The following PUM3 variants were observed in gnomAD, a reference collection of about 807,000 sequenced individuals.
PUM3 encodes the protein pumilio homolog 3.
Under a neutral mutation model 84.0 loss-of-function variants are expected in PUM3, and 91 were observed. That is an observed-to-expected ratio of 1.08 (90% CI 0.91 to 1.29). PUM3 has a LOEUF of 1.29. PUM3 is among the 50% of genes most tolerant of loss of function. The pLI, the probability that PUM3 is intolerant of heterozygous loss-of-function variation, is 0.00. For synonymous variants in PUM3, 321 were observed against 266.7 expected, an observed-to-expected ratio of 1.20 and a Z score of -1.98; for missense variants, 1,067 against 767.5, an observed-to-expected ratio of 1.39 and a Z score of -4.61.
intron 5 of PUM3, among the ~76,000 whole-genome samples, chr9:2,831,678 C>T (rs75838620): frequency 0.022 from 3,387 of 152,120 alleles, 136 homozygotes; most frequent in African/African-American, 0.078. Context: ...GATAAGTTAC[C>T]GTCCCTAAAA....
chr9:2,833,906 A>T, intron 4 of PUM3, 125 bp downstream of exon 4: 1 of 917,074 alleles, frequency 1.1e-6, no homozygotes, highest in South Asian at 1.8e-5. Flanking sequence ...ATGGGGTGTC[A>T]TGAGGACCCC....
chr9:2,808,505 G>A (rs1156634831), intron 16 of PUM3, among the ~76,000 whole-genome samples: 1 of 152,176 alleles, frequency 6.6e-6, no homozygotes, highest in Non-Finnish European at 1.5e-5. Flanking sequence ...TGCAATTAAT[G>A]CTTGGACAAA....
intron 10 of PUM3, among the ~76,000 whole-genome samples, chr9:2,825,485 T>G (rs1437333494): frequency 6.6e-6 from 1 of 151,880 alleles, no homozygotes; most frequent in Non-Finnish European, 1.5e-5. Flanking sequence ...CTTATTTACA[T>G]TTTCTTTTTT....
Position 2,811,418 on chromosome 9 carries a change from C to T in PUM3, c.1578G>A (p.Met526Ile), listed in dbSNP as rs140645864. ...TTGCTGCCAAGCTGGCGATGGCATT[C>T]ATGGTAGGCTGAACGTCTCCAGTGG... Reference protein sequence around the residue: ...GSATGDVQPTMNAIASLAATG... With the variant: ...GSATGDVQPTINAIASLAATG... The change falls in exon 15 of 18, where the codon ATG (methionine) becomes ATA (isoleucine). Residue 526 changes from methionine (M) to isoleucine (I), a missense_variant. By Grantham distance (10) the Met-to-Ile change is conservative. Transcript: ENST00000397885. 9.1e-5 allele frequency: 147 copies of T among 1,614,154 alleles called. No individual in the cohort carries two copies. Among genetic ancestry groups the T allele is most frequent in the Middle Eastern group, 6.6e-4 (4 of 6,060 alleles).
chr9:2,822,050 T>C (rs1037685439), intron 12 of PUM3, among the ~76,000 whole-genome samples: 13 of 152,178 alleles, frequency 8.5e-5, no homozygotes, highest in African/African-American at 3.1e-4. Flanking sequence ...TCAGTTCTCT[T>C]AACTCGGACA....
intron 3 of PUM3, among the ~76,000 whole-genome samples, chr9:2,834,740 C>G (rs1399300758): frequency 2.0e-5 from 3 of 152,152 alleles, no homozygotes; most frequent in African/African-American, 4.8e-5. Context: ...AGGACTCAAA[C>G]CTAGAAACAA....
intron 10 of PUM3, among the ~76,000 whole-genome samples, chr9:2,826,063 G>T (rs1277119963): frequency 6.6e-6 from 1 of 151,182 alleles, no homozygotes; most frequent in Non-Finnish European, 1.5e-5. Context: ...GGAAAGCCAT[G>T]CATATATTCC....
intron 12 of PUM3, 103 bp from the exon 13 acceptor site, chr9:2,820,201 CAAAA>C (rs58442595): frequency 8.3e-3 from 1,243 of 149,328 alleles, no homozygotes; most frequent in Middle Eastern, 0.016. Flanking sequence ...AGACTCCGCT[CAAAA>C]AAAAAAAAAA....
In PUM3 at chr9:2,833,376, A is replaced by G. The variant is rs1011180454; in HGVS notation, c.497T>C (p.Ile166Thr). 6.3e-7 allele frequency: 1 copy of G among 1,590,604 alleles called. No individual in the cohort carries two copies. The highest frequency in any genetic ancestry group is 8.6e-7 in the Non-Finnish European group (1 of 1,161,322). ...ACTTACAGTTTTAATTTTCCCTTGA[A>G]TCAACTTCTGCAAATCACTCATTAA... The part of the protein sequence containing the change: ...VKLMSDLQKL[I>T]QGKIKTIAFA... The change falls in exon 5 of 18, where the codon ATT (isoleucine) becomes ACT (threonine). Residue 166 changes from isoleucine to threonine, a missense_variant. Physicochemically the swap from Ile to Thr is moderately conservative, Grantham distance 89 (BLOSUM62 -1). Coordinates refer to ENST00000397885, the MANE Select transcript of PUM3 (RefSeq NM_014878.5).
At chr9:2,826,623 T>C (rs1278364960) in intron 10 of PUM3, among the ~76,000 whole-genome samples, 2 of 152,190 alleles carry the variant, frequency 1.3e-5, no homozygotes, top group African/African-American at 4.8e-5. Flanking sequence ...GCAGTGCAAT[T>C]TACCTTCACT....
Position 2,812,275 on chromosome 9 carries a change from G to A in PUM3, c.1357C>T (p.His453Tyr). The stretch of plus-strand genomic sequence containing the variant: ...ACTTCAATGATTTCTCGTACTGTAT[G>A]TGCAGGATCTCTGGGGCTTAGTAAG... ...LYLLSPRDPA[H>Y]TVREIIEVLQ... The change falls in exon 14 of 18, where the codon CAT becomes TAT. Residue 453 changes from histidine to tyrosine, a missense_variant. Transcript: ENST00000397885. The A allele has an allele frequency of 1.2e-6, 2 of 1,612,870 alleles. No individual in the cohort carries two copies. The highest frequency in any genetic ancestry group is 1.1e-5 in the South Asian group (1 of 91,060).
chr9:2,805,604 C>T (rs1376052044), intron 17 of PUM3, among the ~76,000 whole-genome samples: 2 of 152,070 alleles, frequency 1.3e-5, no homozygotes, highest in Non-Finnish European at 2.9e-5. Context: ...GTAAAGTTCC[C>T]TCGTAATGAA....
At chr9:2,838,165 A>T (rs367912765) in intron 2 of PUM3, among the ~76,000 whole-genome samples, 1 of 152,184 alleles carries the variant, frequency 6.6e-6, no homozygotes, top group South Asian at 2.1e-4. Context: ...TGTATGGTGA[A>T]CTAGTGTGAA....
chr9:2,811,046 A>C (rs1385379079), intron 15 of PUM3, among the ~76,000 whole-genome samples: 1 of 152,196 alleles, frequency 6.6e-6, no homozygotes, highest in African/African-American at 2.4e-5. Flanking sequence ...GTCAGGAGCC[A>C]GGGCTTCTCT....
intron 17 of PUM3, among the ~76,000 whole-genome samples, chr9:2,805,408 C>T (rs544113249): frequency 5.9e-5 from 9 of 152,230 alleles, no homozygotes; most frequent in African/African-American, 1.9e-4. Context: ...TTTTTCGGGA[C>T]CCTTTGTAAA....
At chr9:2,824,680 T>G in intron 11 of PUM3, 37 bp downstream of exon 11, 1 of 1,367,834 alleles carries the variant, frequency 7.3e-7, no homozygotes, top group Non-Finnish European at 9.9e-7. Context: ...TGGCCCTGAC[T>G]TGTACAGTTT....
chr9:2,837,844 G>A (rs1049301979), intron 2 of PUM3, among the ~76,000 whole-genome samples: 1 of 152,000 alleles, frequency 6.6e-6, no homozygotes, highest in African/African-American at 2.4e-5. Context: ...ATATCATAAG[G>A]ACATCTAAAA....
At chr9:2,825,204 C>T (rs935029582) in intron 10 of PUM3, among the ~76,000 whole-genome samples, 2 of 152,028 alleles carry the variant, frequency 1.3e-5, no homozygotes, top group African/African-American at 2.4e-5. Flanking sequence ...AATGCTCTTC[C>T]CCAAAAGAGA....
In PUM3 at chr9:2,827,122, T is replaced by C; in HGVS notation, c.986A>G (p.His329Arg). ...GGTAAAAAAGTCCAAGAATACTTTA[T>C]GCACCAATGAGTGCTTAATCACAGC... ...KEAVIKHSLV[H>R]KVFLDFFTYA... is the part of the protein sequence containing the mutation. The change falls in exon 10 of 18, where the codon CAT becomes CGT. Residue 329 changes from histidine (H) to arginine (R), a missense_variant. By Grantham distance (29) the His-to-Arg change is conservative (BLOSUM62 0). Coordinates refer to ENST00000397885, the MANE Select transcript of PUM3 (RefSeq NM_014878.5). The C allele has an allele frequency of 6.2e-7, 1 of 1,610,520 alleles. No homozygotes were observed. The highest frequency in any genetic ancestry group is 8.5e-7 in the Non-Finnish European group (1 of 1,178,834).
Sources: allele counts gnomAD v4.1 joint callset (sites outside exome capture counted in the v4.1 genomes callset), GRCh38; gene constraint gnomAD v4.1.1; transcripts MANE v1.5; gene names NCBI Gene and HGNC (gene_info 2026-07-23, HGNC 2026-07-21).